RRP15: variants seen among roughly 807,000 people sequenced by gnomAD.
RRP15 encodes the protein ribosomal RNA processing 15 homolog.
Under a neutral mutation model 27.1 loss-of-function variants are expected in RRP15, and 18 were observed. The ratio of observed to expected loss-of-function variants is 0.66; its 90% confidence interval spans 0.46 to 0.98. The LOEUF (loss-of-function observed/expected upper bound fraction) is 0.98, where lower values mean the gene tolerates loss of function less well. RRP15 is among the 50% of genes least tolerant of loss of function. The pLI is 0.00. For synonymous variants in RRP15, 107 were observed against 109.4 expected (o/e 0.98, Z 0.14); for missense variants, 359 against 337.8 (o/e 1.06, Z -0.49).
chr1:218,309,770 C>A (rs970473024), intron 4 of RRP15, among the ~76,000 whole-genome samples: 2 of 146,238 alleles, frequency 1.4e-5, no homozygotes, highest in Admixed American at 1.4e-4. Flanking sequence ...TAAAATCTTA[C>A]AATTAAGATG....
Position 218,314,186 on chromosome 1 carries a change from T to A in RRP15, c.705+6554T>A, listed in dbSNP as rs556003827. The stretch of plus-strand genomic sequence containing the variant: ...AGTGATTTTTAAAAATATTACATTG[T>A]ATTTAGAACACTGTTTAAGGAAGCA... On this transcript the variant is annotated intron_variant, in intron 4 of 4. Coordinates refer to ENST00000366932, the MANE Select transcript of RRP15 (RefSeq NM_016052.4). Among the ~76,000 whole-genome samples the A allele has an allele frequency of 2.1e-3, 319 of 152,140 alleles. 2 individuals carry two copies. Among genetic ancestry groups the A allele is most frequent in the African/African-American group, 7.4e-3 (307 of 41,530 alleles).
Position 218,291,790 on chromosome 1 carries a change from A to C in RRP15, c.139+6335A>C, listed in dbSNP as rs1351483117. ...CATGATACACCCACCTTGGTCTCCC[A>C]AAGTGTTGGGATTACAGGCGTGAGC... On this transcript the variant is annotated intron_variant, in intron 1 of 4. Coordinates refer to ENST00000366932, the MANE Select transcript of RRP15 (RefSeq NM_016052.4). Among the ~76,000 whole-genome samples the C allele has an allele frequency of 4.6e-5, 7 of 152,122 alleles. No homozygotes were observed. In the East Asian group the frequency reaches 1.4e-3, roughly 30 times the overall value.
rs1656381004 is a variant in RRP15 at position 218,332,141 on chromosome 1, A to G, written c.*1050A>G. 1 of 152,168 alleles carries G rather than the reference A, an allele frequency of 6.6e-6. No homozygotes were observed. Among genetic ancestry groups the G allele is most frequent in the Admixed American group, 6.5e-5 (1 of 15,280 alleles). 9.4% of individuals were successfully genotyped at this position (152,168 alleles called of 1,614,324 possible). A position where few individuals can be genotyped will look rare whatever the true frequency, so the allele number is the denominator to read the frequency against. On this transcript the variant is annotated 3_prime_UTR_variant, in exon 5 of 5. Transcript: ENST00000366932. ...CAATTTCTCAGGAAGCAAGTTTGAC[A>G]TGCTTTAGTCTCTCTCTTCTTTTTT...
At chr1:218,312,784 A>T (rs865935284) in intron 4 of RRP15, among the ~76,000 whole-genome samples, 1 of 152,214 alleles carries the variant, frequency 6.6e-6, no homozygotes, top group African/African-American at 2.4e-5. Context: ...TTTGATTTTT[A>T]AAATGGCATG....
chr1:218,297,546 G>A lies in RRP15; in HGVS notation c.140-4748G>A, dbSNP rs73108382. ...AACTAAGACAGAAGACTTAATGTCA[G>A]AAAAGCCACTTAGATTAGTGTGTGG... On this transcript the variant is annotated intron_variant, in intron 1 of 4. Transcript: ENST00000366932. Among the ~76,000 whole-genome samples the A allele has an allele frequency of 3.5e-3, 535 of 152,276 alleles. 2 individuals are homozygous for A. Among genetic ancestry groups the A allele is most frequent in the African/African-American group, 0.012 (519 of 41,556 alleles).
chr1:218,332,093 C>G lies in RRP15; in HGVS notation c.*1002C>G, dbSNP rs991305382. The G allele has an allele frequency of 2.0e-5, 3 of 151,602 alleles. No homozygotes were observed. Among genetic ancestry groups the G allele is most frequent in the African/African-American group, 7.3e-5 (3 of 40,978 alleles). The allele number at this position is 151,602 out of a possible 1,614,324, so 9.4% of individuals were successfully genotyped here. On this transcript the variant is annotated 3_prime_UTR_variant, in exon 5 of 5. Coordinates refer to ENST00000366932, the MANE Select transcript of RRP15 (RefSeq NM_016052.4). ...AGAGATTTACAGAGGTGGAAATTCTCATGCTTAACTTATGCAATGAGACAA... is the reference window on the plus strand; with the variant it reads ...AGAGATTTACAGAGGTGGAAATTCTGATGCTTAACTTATGCAATGAGACAA...
intron 1 of RRP15, 47 bp from the exon 2 acceptor site, chr1:218,302,247 G>C (rs748953728): frequency 1.1e-5 from 17 of 1,513,318 alleles, no homozygotes; most frequent in Non-Finnish European, 1.5e-5. Context: ...GGCAGCCTCT[G>C]CCTAGGATAT....
At chr1:218,303,419 C>G (rs925858965) in intron 2 of RRP15, among the ~76,000 whole-genome samples, 1 of 152,072 alleles carries the variant, frequency 6.6e-6, no homozygotes, top group Non-Finnish European at 1.5e-5. Context: ...ACTGGTTGCT[C>G]TGTGTGAAAG....
chr1:218,314,487 G>A (rs12080069), intron 4 of RRP15, among the ~76,000 whole-genome samples: 4,486 of 152,190 alleles, frequency 0.029, 88 homozygotes, highest in East Asian at 0.073. Context: ...CGACAGAAGC[G>A]GATGTGATGT....
In RRP15 at chr1:218,331,039, G is replaced by C. The variant is rs565308982; in HGVS notation, c.797G>C (p.Ser266Thr). 2 of 1,613,750 alleles carry C rather than the reference G, an allele frequency of 1.2e-6. No homozygotes were observed. The highest frequency in any genetic ancestry group is 1.7e-5 in the Admixed American group (1 of 60,028). ...GASMKDWDKESDGPDDSRPES... is the reference protein window; with the variant it reads ...GASMKDWDKETDGPDDSRPES... ...TCTATGAAAGACTGGGACAAGGAAA[G>C]TGATGGGCCAGATGACAGCAGACCA... is the stretch of plus-strand genomic sequence containing the variant. The change falls in exon 5 of 5, where the codon AGT becomes ACT. Residue 266 changes from serine (S) to threonine (T), a missense_variant. Coordinates refer to ENST00000366932, the MANE Select transcript of RRP15 (RefSeq NM_016052.4).
intron 2 of RRP15, among the ~76,000 whole-genome samples, chr1:218,304,002 TA>T (rs938962934): frequency 2.6e-5 from 4 of 151,684 alleles, no homozygotes; most frequent in African/African-American, 7.3e-5. Flanking sequence ...AGTAAGATTT[TA>T]AAAAAAAATT....
Position 218,313,909 on chromosome 1 carries a change from C to T in RRP15, c.705+6277C>T, listed in dbSNP as rs1031753695. Among the ~76,000 whole-genome samples the T allele has an allele frequency of 2.0e-5, 3 of 152,132 alleles. 1 individual carries two copies. Among genetic ancestry groups the T allele is most frequent in the African/African-American group, 2.4e-5 (1 of 41,430 alleles). Reference sequence around the variant, plus strand: ...TCGATCAAATACAGGAAGCATCATCCCAATTACATACCAACATGTGGCAAG... The same window carrying T: ...TCGATCAAATACAGGAAGCATCATCTCAATTACATACCAACATGTGGCAAG... On this transcript the variant is annotated intron_variant, in intron 4 of 4. Coordinates refer to ENST00000366932, the MANE Select transcript of RRP15 (RefSeq NM_016052.4).
At chr1:218,329,537 A>G (rs1231172202) in intron 4 of RRP15, among the ~76,000 whole-genome samples, 1 of 152,218 alleles carries the variant, frequency 6.6e-6, no homozygotes. Flanking sequence ...TTATCTTCCT[A>G]CGTTATTGTT....
At chr1:218,302,916 CTT>C (rs202114602) in intron 2 of RRP15, among the ~76,000 whole-genome samples, 2 of 146,160 alleles carry the variant, frequency 1.4e-5, no homozygotes, top group African/African-American at 2.5e-5. Context: ...ATGTTAGTTA[CTT>C]TTTTTTTTTG....
rs2102519423 is a variant in RRP15, at chr1:218,332,214, C to G, written c.*1123C>G. On this transcript the variant is annotated 3_prime_UTR_variant, in exon 5 of 5. Coordinates refer to ENST00000366932, the MANE Select transcript of RRP15 (RefSeq NM_016052.4). Reference sequence around the variant, plus strand: ...GCTTAAATTCTTTTTTATGGACTGCCCAACCAGTGAATTGATGCACTTAGA... The same window carrying G: ...GCTTAAATTCTTTTTTATGGACTGCGCAACCAGTGAATTGATGCACTTAGA... The G allele has an allele frequency of 6.6e-6, 1 of 152,084 alleles. No homozygotes were observed. Among genetic ancestry groups the G allele is most frequent in the East Asian group, 1.9e-4 (1 of 5,170 alleles). The allele number at this position is 152,084 out of a possible 1,614,324, so 9.4% of individuals were successfully genotyped here.
Position 218,332,810 on chromosome 1 carries a change from C to G in RRP15, c.*1719C>G, listed in dbSNP as rs1316128277. ...GTAGTAATACAGGAGAACTAAATAT[C>G]CTGCTATAACTTAATACAGATACAT... On this transcript the variant is annotated 3_prime_UTR_variant, in exon 5 of 5. Coordinates refer to ENST00000366932, the MANE Select transcript of RRP15 (RefSeq NM_016052.4). 6.6e-6 allele frequency: 1 copy of G among 150,896 alleles called. No homozygotes were observed. The highest frequency in any genetic ancestry group is 2.1e-4 in the South Asian group (1 of 4,776). 9.3% of individuals were successfully genotyped at this position (150,896 alleles called of 1,614,324 possible).
intron 4 of RRP15, among the ~76,000 whole-genome samples, chr1:218,323,842 G>A (rs997853783): frequency 7.2e-5 from 11 of 152,182 alleles, no homozygotes; most frequent in African/African-American, 1.9e-4. Context: ...CCCGGGTTCC[G>A]CTCCAACCTT....
At chr1:218,326,260 T>C (rs1379221577) in intron 4 of RRP15, among the ~76,000 whole-genome samples, 1 of 152,144 alleles carries the variant, frequency 6.6e-6, no homozygotes, top group Non-Finnish European at 1.5e-5. Flanking sequence ...GAGCCAAGAA[T>C]GCACCATTGC....
intron 1 of RRP15, among the ~76,000 whole-genome samples, chr1:218,296,144 A>G (rs1655715884): frequency 6.6e-6 from 1 of 152,182 alleles, no homozygotes; most frequent in Non-Finnish European, 1.5e-5. Context: ...TTTTAAATTC[A>G]AGCTTTATTA....
Sources: allele counts gnomAD v4.1 joint callset (sites outside exome capture counted in the v4.1 genomes callset), GRCh38; gene constraint gnomAD v4.1.1; transcripts MANE v1.5; gene names NCBI Gene and HGNC (gene_info 2026-07-23, HGNC 2026-07-21).